Variants in CSMD1 observed in about 807,000 individuals in gnomAD.
The protein encoded by CSMD1 is CUB and sushi domain-containing protein 1.
In CSMD1, 213 loss-of-function variants were observed where a neutral mutation model predicts 417.5. The ratio of observed to expected loss-of-function variants is 0.51; its 90% CI spans 0.46 to 0.57. CSMD1 has a LOEUF of 0.57. Among genes scored for constraint, CSMD1 ranks in the 20% least tolerant of loss-of-function variants. CSMD1 has a pLI of 0.00. For synonymous variants in CSMD1, 2,862 were observed against 1,736.8 expected, an observed-to-expected ratio of 1.65 and a Z score of -16.11; for missense variants, 6,923 against 4,529.7, an observed-to-expected ratio of 1.53 and a Z score of -15.17.
At chr8:3,474,803 C>T (rs527827148) in intron 11 of CSMD1, among the ~76,000 whole-genome samples, 2 of 152,116 alleles carry the variant, frequency 1.3e-5, no homozygotes, top group Non-Finnish European at 1.5e-5. Flanking sequence ...TTTAACACAG[C>T]TCAATTTTTC....
At chr8:4,724,464 T>C (rs1344809170) in intron 1 of CSMD1, among the ~76,000 whole-genome samples, 1 of 151,926 alleles carries the variant, frequency 6.6e-6, no homozygotes, top group East Asian at 1.9e-4. Flanking sequence ...ACATTACTTA[T>C]AAGTAGCTGG....
At chr8:3,009,120 C>T (rs1450344292) in intron 52 of CSMD1, among the ~76,000 whole-genome samples, 3 of 152,316 alleles carry the variant, frequency 2.0e-5, no homozygotes, top group East Asian at 3.9e-4. Flanking sequence ...GGGGAGGAAT[C>T]GGCTCCTTCC....
At chr8:4,291,905 G>C (rs886669522) in intron 3 of CSMD1, among the ~76,000 whole-genome samples, 1 of 152,166 alleles carries the variant, frequency 6.6e-6, no homozygotes, top group African/African-American at 2.4e-5. Flanking sequence ...TTCACATCAA[G>C]CAGGAACAGA....
intron 26 of CSMD1, among the ~76,000 whole-genome samples, chr8:3,271,330 G>T (rs1209451879): frequency 6.6e-6 from 1 of 151,810 alleles, no homozygotes; most frequent in Non-Finnish European, 1.5e-5. Flanking sequence ...GTCTATCATT[G>T]TTGGACATTT....
intron 2 of CSMD1, among the ~76,000 whole-genome samples, chr8:4,617,090 T>A (rs763529084): frequency 2.6e-5 from 4 of 152,126 alleles, no homozygotes; most frequent in Admixed American, 6.6e-5. Context: ...GACTCTATAT[T>A]TTTTCAAAAT....
At chr8:4,267,636 A>C (rs376899048) in intron 3 of CSMD1, among the ~76,000 whole-genome samples, 15 of 152,004 alleles carry the variant, frequency 9.9e-5, no homozygotes, top group Non-Finnish European at 1.3e-4. Context: ...TTAATAATTA[A>C]ATACATATCT....
In CSMD1 at chr8:3,406,106, C is replaced by G; in HGVS notation, c.2187G>C (p.Lys729Asn). The change falls in exon 15 of 70, where the codon AAG (lysine) becomes AAC (asparagine). Residue 729 changes from lysine to asparagine, a missense_variant. Coordinates refer to ENST00000635120, the MANE Select transcript of CSMD1 (RefSeq NM_033225.6). ...AGGTAATGGACTCGGATCCCTGGGT[C>G]TTGACAAAGCCATCATCACAGTGGA... ...VSFHCDDGFVKTQGSESITCI... is the reference protein window; with the variant it reads ...VSFHCDDGFVNTQGSESITCI... 1 of 1,613,902 alleles carries G rather than the reference C, an allele frequency of 6.2e-7. No homozygotes were observed. The highest frequency in any genetic ancestry group is 8.5e-7 in the Non-Finnish European group (1 of 1,179,876).
intron 3 of CSMD1, among the ~76,000 whole-genome samples, chr8:4,157,754 G>A (rs1203892370): frequency 2.0e-5 from 3 of 152,194 alleles, no homozygotes; most frequent in African/African-American, 7.2e-5. Context: ...CAGGGCCAGG[G>A]CTGACCTGCC....
chr8:3,742,435 T>A (rs74971964), intron 6 of CSMD1, among the ~76,000 whole-genome samples: 4,342 of 152,312 alleles, frequency 0.029, 243 homozygotes, highest in African/African-American at 0.098. Flanking sequence ...TTTTTAATTG[T>A]GCTCCTCTAT....
At position 3,841,868 on chromosome 8, in the gene CSMD1, C is replaced by G. The variant is rs531925185; in HGVS notation, c.819-87826G>C. Among the ~76,000 whole-genome samples, 3 of 151,976 alleles carry G rather than the reference C, an allele frequency of 2.0e-5. No homozygotes were observed. The South Asian group carries it at 6.2e-4, about 32-fold the overall frequency. On this transcript the variant is annotated intron_variant, in intron 5 of 69. Coordinates refer to ENST00000635120, the MANE Select transcript of CSMD1 (RefSeq NM_033225.6). The stretch of plus-strand genomic sequence containing the variant: ...CTAGCAGCTCCTCAAGGGTCCTGGC[C>G]CTTGGGTTGGCCACACTGGCCACGG...
chr8:3,376,129 C>A (rs1273530563), intron 18 of CSMD1, among the ~76,000 whole-genome samples: 1 of 152,086 alleles, frequency 6.6e-6, no homozygotes, highest in East Asian at 1.9e-4. Flanking sequence ...GCAAATACAG[C>A]AGGTTCTCAA....
intron 12 of CSMD1, among the ~76,000 whole-genome samples, chr8:3,460,635 A>G (rs1218712962): frequency 6.6e-6 from 1 of 152,298 alleles, no homozygotes; most frequent in South Asian, 2.1e-4. Flanking sequence ...ATGGGATAGA[A>G]GGATATTTAC....
At chr8:3,086,612 A>G (rs975749044) in intron 49 of CSMD1, among the ~76,000 whole-genome samples, 2 of 152,212 alleles carry the variant, frequency 1.3e-5, no homozygotes, top group Admixed American at 6.5e-5. Context: ...TTTTATGCAC[A>G]TGATAGATAA....
At chr8:4,795,716 G>A (rs1241905988) in intron 1 of CSMD1, among the ~76,000 whole-genome samples, 2 of 152,052 alleles carry the variant, frequency 1.3e-5, no homozygotes, top group African/African-American at 2.4e-5. Context: ...CAGGCGGAGA[G>A]GCATCCTGAC....
intron 26 of CSMD1, among the ~76,000 whole-genome samples, chr8:3,268,191 G>A (rs534007986): frequency 6.4e-4 from 96 of 151,060 alleles, no homozygotes; most frequent in African/African-American, 2.2e-3. Flanking sequence ...CGAATGGTAA[G>A]TTTGTTGCTT....
chr8:4,587,374 T>C (rs899221074), intron 2 of CSMD1, among the ~76,000 whole-genome samples: 2 of 151,868 alleles, frequency 1.3e-5, no homozygotes, highest in African/African-American at 4.8e-5. Flanking sequence ...TCTTGATATA[T>C]ATGTATATGT....
At chr8:3,798,354 T>A (rs1299880946) in intron 5 of CSMD1, among the ~76,000 whole-genome samples, 2 of 152,046 alleles carry the variant, frequency 1.3e-5, no homozygotes, top group African/African-American at 2.4e-5. Flanking sequence ...AGTAAGTCAC[T>A]CTCTTACATT....
intron 10 of CSMD1, among the ~76,000 whole-genome samples, chr8:3,510,684 T>G (rs897752569): frequency 5.0e-4 from 20 of 39,986 alleles, no homozygotes; most frequent in Non-Finnish European, 9.2e-4. Flanking sequence ...CAGGATTACT[T>G]TTTAATGATT....
At chr8:3,757,208 C>T (rs926439205) in intron 5 of CSMD1, among the ~76,000 whole-genome samples, 7 of 152,144 alleles carry the variant, frequency 4.6e-5, no homozygotes, top group Non-Finnish European at 8.8e-5. Context: ...TCTGTATTTC[C>T]AAATACCTAC....
Sources: allele counts gnomAD v4.1 joint callset (sites outside exome capture counted in the v4.1 genomes callset), GRCh38; gene constraint gnomAD v4.1.1; transcripts MANE v1.5; gene names NCBI Gene and HGNC (gene_info 2026-07-23, HGNC 2026-07-21).